UGGT1: variants seen among roughly 807,000 people sequenced by gnomAD.
UGGT1 encodes the protein UDP-glucose glycoprotein glucosyltransferase 1, also known as UDP-glucose:glycoprotein glucosyltransferase 1.
Under a neutral mutation model 203.9 loss-of-function variants are expected in UGGT1, and 107 were observed. The ratio of observed to expected loss-of-function variants is 0.52; its 90% confidence interval spans 0.45 to 0.62. The LOEUF (loss-of-function observed/expected upper bound fraction) is 0.62. UGGT1 is among the 20% of genes least tolerant of loss of function. UGGT1 has a pLI of 0.00. For missense variants in UGGT1, 1,673 were observed against 1,867.2 expected (o/e 0.90, Z 1.92); for synonymous variants, 628 against 653.5 (o/e 0.96, Z 0.59).
intron 4 of UGGT1, among the ~76,000 whole-genome samples, chr2:128,109,150 G>A (rs1190056076): frequency 1.3e-5 from 2 of 151,924 alleles, no homozygotes; most frequent in Admixed American, 6.6e-5. Flanking sequence ...CCTCTGCCCC[G>A]CAAATTGCTG....
At chr2:128,182,462 G>T (rs920329748) in intron 37 of UGGT1, among the ~76,000 whole-genome samples, 172 bp downstream of exon 37, 28 of 152,184 alleles carry the variant, frequency 1.8e-4, no homozygotes, top group Non-Finnish European at 5.9e-5. Flanking sequence ...ACTTTGGGAT[G>T]CCAAGGCAGG....
In UGGT1 at chr2:128,181,008, T is replaced by A; in HGVS notation, c.4019T>A (p.Ile1340Asn). The A allele has an allele frequency of 1.2e-6, 2 of 1,614,200 alleles. No individual in the cohort carries two copies. The highest frequency in any genetic ancestry group is 8.5e-7 in the Non-Finnish European group (1 of 1,180,036). The change falls in exon 36 of 41, where the codon ATC (isoleucine) becomes AAC (asparagine). Residue 1340 changes from isoleucine (I) to asparagine (N), a missense_variant. This residue lies in a region of UGGT1 where 513 missense variants were observed against 684.1 expected (regional missense o/e 0.75). Transcript: ENST00000259253. ...EKQRIIWGYK[I>N]LFLDVLFPLV... ...CAGCGTATCATCTGGGGTTACAAGATCCTCTTCCTGGATGTACTTTTCCCA... is the reference window on the plus strand; with the variant it reads ...CAGCGTATCATCTGGGGTTACAAGAACCTCTTCCTGGATGTACTTTTCCCA...
chr2:128,164,855 T>G, intron 26 of UGGT1, 30 bp downstream of exon 26: 1 of 1,516,996 alleles, frequency 6.6e-7, no homozygotes. Flanking sequence ...TTTGTGCATA[T>G]TCTTGAATAT....
intron 15 of UGGT1, among the ~76,000 whole-genome samples, chr2:128,138,506 ACT>A (rs1432608977): frequency 6.7e-6 from 1 of 149,726 alleles, no homozygotes; most frequent in African/African-American, 2.4e-5. Flanking sequence ...CAAGAGTGAA[ACT>A]CTGTCTAAAA....
intron 18 of UGGT1, among the ~76,000 whole-genome samples, chr2:128,149,703 G>A (rs1415959510): frequency 2.6e-5 from 4 of 151,826 alleles, no homozygotes; most frequent in Non-Finnish European, 4.4e-5. Flanking sequence ...AACCTGGGAG[G>A]CAGAGGTTCC....
intron 28 of UGGT1, among the ~76,000 whole-genome samples, chr2:128,171,766 C>T (rs1262029417): frequency 6.6e-6 from 1 of 152,170 alleles, no homozygotes; most frequent in African/African-American, 2.4e-5. Flanking sequence ...CCTCACTTCC[C>T]AAAGTGCTGG....
At chr2:128,164,919 A>G in intron 26 of UGGT1, 94 bp downstream of exon 26, 2 of 897,050 alleles carry the variant, frequency 2.2e-6, no homozygotes, top group Non-Finnish European at 3.3e-6. Flanking sequence ...TATAAGATTT[A>G]TATATAAGTT....
At position 128,186,807 on chromosome 2, in the gene UGGT1, G is replaced by A. The variant is rs757211750; in HGVS notation, c.4476+8G>A. ...GCAAAAACCATTGATTTGGTAAGCC[G>A]TATGTGGTGTGCTTCTGCATGTTCA... is the stretch of plus-strand genomic sequence containing the variant. On this transcript the variant is annotated splice_region_variant and intron_variant, in intron 39 of 40. Coordinates refer to ENST00000259253, the MANE Select transcript of UGGT1 (RefSeq NM_020120.4). 60 of 1,600,894 alleles carry A rather than the reference G, an allele frequency of 3.7e-5. No individual in the cohort carries two copies. The highest frequency in any genetic ancestry group is 1.7e-4 in the Middle Eastern group (1 of 6,054).
intron 25 of UGGT1, among the ~76,000 whole-genome samples, chr2:128,161,781 T>C (rs1282638258): frequency 6.6e-6 from 1 of 152,218 alleles, no homozygotes; most frequent in Non-Finnish European, 1.5e-5. Context: ...CTGATGTGTT[T>C]TAGTGTGTTA....
Position 128,183,797 on chromosome 2 carries a change from T to A in UGGT1, c.4359+8T>A, listed in dbSNP as rs374077170. 2 of 1,607,782 alleles carry A rather than the reference T, an allele frequency of 1.2e-6. No homozygotes were observed. Among genetic ancestry groups the A allele is most frequent in the African/African-American group, 2.7e-5 (2 of 74,772 alleles). On this transcript the variant is annotated splice_region_variant and intron_variant, in intron 38 of 40. Transcript: ENST00000259253. ...CTTTCAAATCTTGATCAAGTAAGTG[T>A]CCATTTTTTATGGTTAACTGTGAGT...
Position 128,174,760 on chromosome 2 carries a change from C to A in UGGT1, c.3454-13C>A. ...TTTGAAGAGAGCTAACTGGACTTTT[C>A]TTCTTGTCCTAGGGCTACTTTCAGC... On this transcript the variant is annotated splice_polypyrimidine_tract_variant and intron_variant, in intron 30 of 40. Transcript: ENST00000259253. 6.2e-7 allele frequency: 1 copy of A among 1,605,298 alleles called. No homozygotes were observed. Among genetic ancestry groups the A allele is most frequent in the Non-Finnish European group, 8.5e-7 (1 of 1,177,104 alleles).
rs1309905497 is a variant in UGGT1, at chr2:128,115,158, A to G, written c.731A>G (p.Tyr244Cys). ...PRKEPVYLSG[Y>C]GVELAIKSTE... ...AAGGAGCCTGTTTACCTCTCTGGCTATGGCGTGGAATTGGCCATTAAGAGC... is the reference window on the plus strand; with the variant it reads ...AAGGAGCCTGTTTACCTCTCTGGCTGTGGCGTGGAATTGGCCATTAAGAGC... Residue 244 changes from tyrosine to cysteine, a missense_variant, in exon 7 of 41, where the codon TAT (tyrosine) becomes TGT (cysteine). Around this residue, in one of 4 missense-constraint regions of UGGT1, gnomAD observed 1,073 missense variants for 1,078.7 expected, o/e 0.99. Coordinates refer to ENST00000259253, the MANE Select transcript of UGGT1 (RefSeq NM_020120.4). 9 of 1,614,054 alleles carry G rather than the reference A, an allele frequency of 5.6e-6. No homozygotes were observed. Among genetic ancestry groups the G allele is most frequent in the South Asian group, 2.2e-5 (2 of 91,082 alleles).
intron 18 of UGGT1, chr2:128,151,174 G>A: frequency 2.1e-6 from 1 of 487,200 alleles, no homozygotes; most frequent in Non-Finnish European, 3.9e-6. Flanking sequence ...TTCACCTGCA[G>A]CCAGGGGTCC....
intron 13 of UGGT1, among the ~76,000 whole-genome samples, chr2:128,129,935 T>TC (rs1177169381): frequency 6.6e-6 from 1 of 152,202 alleles, no homozygotes; most frequent in African/African-American, 2.4e-5. Flanking sequence ...ATATGATCTT[T>TC]CTGAGCCTTT....
intron 36 of UGGT1, 109 bp from the exon 37 acceptor site, chr2:128,182,021 C>T: frequency 9.1e-7 from 1 of 1,096,054 alleles, no homozygotes; most frequent in Non-Finnish European, 1.3e-6. Flanking sequence ...TGCCACTAAC[C>T]ACGGAGCAGC....
chr2:128,156,363 T>C (rs771348096), intron 20 of UGGT1, 29 bp from the exon 21 acceptor site: 15 of 1,560,318 alleles, frequency 9.6e-6, no homozygotes, highest in African/African-American at 4.1e-5. Flanking sequence ...ATACTTTTTT[T>C]CTACTCTTTT....
At chr2:128,133,926 C>T (rs555432725) in intron 14 of UGGT1, among the ~76,000 whole-genome samples, 5 of 152,130 alleles carry the variant, frequency 3.3e-5, no homozygotes, top group Non-Finnish European at 7.3e-5. Flanking sequence ...ATTTCTTTCC[C>T]TTCCCTCACA....
In UGGT1 at chr2:128,143,544, A is replaced by T. The variant is rs149849949; in HGVS notation, c.1851+319A>T. The stretch of plus-strand genomic sequence containing the variant: ...TGATATCAAAAGTATTTACTTGAAA[A>T]ATGATGAGTAGAGTGGACAAACTGG... On this transcript the variant is annotated intron_variant, in intron 17 of 40. Transcript: ENST00000259253. Among the ~76,000 whole-genome samples, 879 of 152,314 alleles carry T rather than the reference A, an allele frequency of 5.8e-3. 4 individuals are homozygous for T. Among genetic ancestry groups the T allele is most frequent in the Non-Finnish European group, 9.3e-3 (633 of 68,026 alleles).
At chr2:128,119,927 C>T (rs1688298170) in intron 8 of UGGT1, among the ~76,000 whole-genome samples, 1 of 151,020 alleles carries the variant, frequency 6.6e-6, no homozygotes. Flanking sequence ...TCCTTTGTTC[C>T]TTTCTTTCTT....
Sources: allele counts gnomAD v4.1 joint callset (sites outside exome capture counted in the v4.1 genomes callset), GRCh38; gene constraint gnomAD v4.1.1; regional missense constraint gnomAD v4.1.1; transcripts MANE v1.5; gene names NCBI Gene and HGNC (gene_info 2026-07-23, HGNC 2026-07-21).